FADS6: variants seen among roughly 807,000 people sequenced by gnomAD.
The protein encoded by FADS6 is fatty acid desaturase 6.
In FADS6, 28 loss-of-function variants were observed where a neutral mutation model predicts 31.7. The ratio of observed to expected loss-of-function variants is 0.88; its 90% CI spans 0.66 to 1.21. The LOEUF (loss-of-function observed/expected upper bound fraction) is 1.21, where lower values mean the gene tolerates loss of function less well. FADS6 is among the 50% of genes most tolerant of loss of function. The pLI, the probability that FADS6 is intolerant of heterozygous loss-of-function variation, is 0.00. For synonymous variants in FADS6, 191 were observed against 213.1 expected (o/e 0.90, Z 0.90); for missense variants, 494 against 504.2 (o/e 0.98, Z 0.19).
At chr17:74,887,929 A>G (rs917086994) in intron 2 of FADS6, among the ~76,000 whole-genome samples, 2 of 151,374 alleles carry the variant, frequency 1.3e-5, no homozygotes, top group African/African-American at 4.9e-5. Flanking sequence ...CTCGTGATCC[A>G]CCCTCCTCGG....
At chr17:74,876,486 C>G (rs1432844161), downstream of FADS6, among the ~76,000 whole-genome samples, 1 of 152,078 alleles carries the variant, frequency 6.6e-6, no homozygotes, top group Non-Finnish European at 1.5e-5. Context: ...CCCAACAACA[C>G]AGAATTGGCC....
In FADS6 at chr17:74,893,532, TA is replaced by T. The variant is rs2038718759; in HGVS notation, c.63del (p.Thr22ArgfsTer35). 8 of 1,429,890 alleles carry T rather than the reference TA, an allele frequency of 5.6e-6. No individual in the cohort carries two copies. The African/African-American group carries it at 1.5e-4, about 27-fold the overall frequency. 88.6% of individuals were successfully genotyped at this position (1,429,890 alleles called of 1,614,324 possible). A position where few individuals can be genotyped will look rare whatever the true frequency, so the allele number is the denominator to read the frequency against. ...EPMEPTEPME[P>X]TEPMEPTEPM... Reference sequence around the variant, plus strand: ...GGCTCCGTAGGTTCCATGGGCTCCGTAGGTTCCATGGGCTCCGTAGGTTCCA... The same window carrying T: ...GGCTCCGTAGGTTCCATGGGCTCCGTGGTTCCATGGGCTCCGTAGGTTCCA... On this transcript the variant is annotated frameshift_variant, in exon 1 of 6. Coordinates refer to ENST00000612771, the MANE Select transcript of FADS6 (RefSeq NM_178128.6). LOFTEE classifies it high-confidence loss of function.
In FADS6 at chr17:74,893,523, T is replaced by G; in HGVS notation, c.73A>C (p.Met25Leu). The stretch of plus-strand genomic sequence containing the variant: ...GGTTCCATGGGCTCCGTAGGTTCCA[T>G]GGGCTCCGTAGGTTCCATGGGCTCC... ...PTEPMEPTEP[M>L]EPTEPMEPAR... The change falls in exon 1 of 6, where the codon ATG (methionine) becomes CTG (leucine). Residue 25 changes from methionine to leucine, a missense_variant. Around this residue, in one of 2 missense-constraint regions of FADS6, gnomAD observed 40 missense variants for 65.7 expected, o/e 0.61. Transcript: ENST00000612771. 4 of 1,555,310 alleles carry G rather than the reference T, an allele frequency of 2.6e-6. 1 individual carries two copies. The Middle Eastern group carries it at 6.9e-4, about 270-fold the overall frequency.
intron 4 of FADS6, 57 bp downstream of exon 4, chr17:74,881,011 G>A: frequency 6.6e-7 from 1 of 1,524,034 alleles, no homozygotes; most frequent in East Asian, 2.3e-5. Flanking sequence ...CTGTGATCAG[G>A]GCCCCTGGAG....
chr17:74,879,622 C>A, intron 4 of FADS6, 39 bp from the exon 5 acceptor site: 2 of 1,581,000 alleles, frequency 1.3e-6, no homozygotes, highest in African/African-American at 1.3e-5. Flanking sequence ...CAGCCTGGAC[C>A]TCCCCACCCC....
downstream of FADS6, among the ~76,000 whole-genome samples, chr17:74,875,192 C>T (rs1346389024): frequency 6.6e-6 from 1 of 152,212 alleles, no homozygotes; most frequent in Non-Finnish European, 1.5e-5. Flanking sequence ...GAAATTTAAT[C>T]TCTCCAGGAC....
At chr17:74,888,065 G>T (rs910624335) in intron 2 of FADS6, among the ~76,000 whole-genome samples, 6 of 151,810 alleles carry the variant, frequency 4.0e-5, no homozygotes, top group African/African-American at 1.2e-4. Context: ...GTGGAACGGG[G>T]TCTTATTCAC....
In FADS6 at chr17:74,878,117, C is replaced by A; in HGVS notation, c.*214G>T. 1 of 1,408,970 alleles carries A rather than the reference C, an allele frequency of 7.1e-7. No individual in the cohort carries two copies. The highest frequency in any genetic ancestry group is 2.6e-5 in the East Asian group (1 of 37,970). 87.3% of individuals were successfully genotyped at this position (1,408,970 alleles called of 1,614,324 possible). On this transcript the variant is annotated 3_prime_UTR_variant, in exon 6 of 6. Coordinates refer to ENST00000612771, the MANE Select transcript of FADS6 (RefSeq NM_178128.6). ...GACCAGAATGCACAGCCACCATTAC[C>A]GCTTCACCCAGACACCCCTCAAAAC...
rs1282431695 is a variant in FADS6, at chr17:74,888,157, C to CGCGG, written c.411+4365_411+4366insCCGC. Among the ~76,000 whole-genome samples the CGCGG allele has an allele frequency of 1.4e-3, 148 of 108,896 alleles. 1 individual carries two copies. The highest frequency in any genetic ancestry group is 2.8e-3 in the South Asian group (9 of 3,222). The allele number at this position is 108,896 out of a possible 152,430, so 71.4% of individuals were successfully genotyped here. A position where few individuals can be genotyped will look rare whatever the true frequency, so the allele number is the denominator to read the frequency against. ...ACACACACACACACACACACACACG[C>CGCGG]GCGCGCGCGCGCGCGCAGAGTACCA... On this transcript the variant is annotated intron_variant, in intron 2 of 5. Transcript: ENST00000612771.
Position 74,893,513 on chromosome 17 carries a change from G to GTAGGTTCCATGGGCTCCA in FADS6, c.82_83insTGGAGCCCATGGAACCTA (p.Pro27_Thr28insMetGluProMetGluPro), listed in dbSNP as rs2038718054. On this transcript the variant is annotated inframe_insertion, in exon 1 of 6. Coordinates refer to ENST00000612771, the MANE Select transcript of FADS6 (RefSeq NM_178128.6). ...GCTCCGCGCCGGTTCCATGGGCTCC[G>GTAGGTTCCATGGGCTCCA]TAGGTTCCATGGGCTCCGTAGGTTC... is the stretch of plus-strand genomic sequence containing the variant. 37 of 1,561,760 alleles carry GTAGGTTCCATGGGCTCCA rather than the reference G, an allele frequency of 2.4e-5. No individual in the cohort carries two copies. The highest frequency in any genetic ancestry group is 3.2e-5 in the Non-Finnish European group (37 of 1,155,994).
intron 2 of FADS6, among the ~76,000 whole-genome samples, chr17:74,886,021 C>T (rs1303829601): frequency 1.3e-5 from 2 of 151,996 alleles, no homozygotes; most frequent in Non-Finnish European, 2.9e-5. Context: ...GGGCGGATCA[C>T]GAGATCAGGA....
At chr17:74,892,883 C>G (rs951700439) in intron 1 of FADS6, among the ~76,000 whole-genome samples, 194 bp from the exon 2 acceptor site, 5 of 152,094 alleles carry the variant, frequency 3.3e-5, no homozygotes, top group African/African-American at 1.2e-4. Context: ...CTGACTCTCC[C>G]GTGCCTGGTC....
Position 74,878,341 on chromosome 17 carries a change from A to G in FADS6, c.1097T>C (p.Val366Ala), listed in dbSNP as rs2038528715. 2.5e-6 allele frequency: 4 copies of G among 1,613,470 alleles called. No homozygotes were observed. The African/African-American group carries it at 4.0e-5, about 16-fold the overall frequency. ...ACCGGCCCGGCCTCATTACAGCCCC[A>G]CAAGCTCAGTGATGGGTGGGGCCTG... ...MVQAPPITEL[V>A]GL The change falls in exon 6 of 6, where the codon GTG becomes GCG. Residue 366 changes from valine (V) to alanine (A), a missense_variant. Physicochemically the swap from Val to Ala is moderately conservative, Grantham distance 64 (BLOSUM62 0). Around this residue, in one of 2 missense-constraint regions of FADS6, gnomAD observed 454 missense variants for 438.5 expected, o/e 1.04. Transcript: ENST00000612771.
At chr17:74,880,537 T>C (rs1013568525) in intron 4 of FADS6, among the ~76,000 whole-genome samples, 3 of 151,970 alleles carry the variant, frequency 2.0e-5, no homozygotes, top group African/African-American at 7.2e-5. Flanking sequence ...GTGTTTTTAA[T>C]AGAGACAGGG....
chr17:74,891,848 C>T (rs1333881763), intron 2 of FADS6, among the ~76,000 whole-genome samples: 1 of 152,126 alleles, frequency 6.6e-6, no homozygotes, highest in Non-Finnish European at 1.5e-5. Context: ...AAGGTGTGGC[C>T]ATTCATTTAT....
intron 5 of FADS6, chr17:74,879,025 C>T (rs901789273): frequency 5.0e-6 from 1 of 201,666 alleles, no homozygotes; most frequent in Non-Finnish European, 9.7e-6. Flanking sequence ...AGTTTCCTCC[C>T]TCCCCTCACC....
chr17:74,890,093 C>T (rs2038672641), intron 2 of FADS6, among the ~76,000 whole-genome samples: 1 of 152,072 alleles, frequency 6.6e-6, no homozygotes, highest in Admixed American at 6.6e-5. Flanking sequence ...GAAAGTGACA[C>T]TTAGATGTTG....
At chr17:74,888,143 CACACA>C (rs2038645039) in intron 2 of FADS6, among the ~76,000 whole-genome samples, 1 of 113,366 alleles carries the variant, frequency 8.8e-6, no homozygotes, top group Non-Finnish European at 1.7e-5. Context: ...CACACACACA[CACACA>C]CACACACGCG....
At position 74,878,489 on chromosome 17, in the gene FADS6, T is replaced by C; in HGVS notation, c.961-12A>G. ...ACCACGGGCTTCACCTGGTGGAAGA[T>C]GGGCAGGAGAGGGCCTATGAGCAGG... is the stretch of plus-strand genomic sequence containing the variant. On this transcript the variant is annotated splice_polypyrimidine_tract_variant and intron_variant, in intron 5 of 5. Transcript: ENST00000612771. 2 of 1,613,440 alleles carry C rather than the reference T, an allele frequency of 1.2e-6. No individual in the cohort carries two copies. Among genetic ancestry groups the C allele is most frequent in the Non-Finnish European group, 1.7e-6 (2 of 1,179,524 alleles).
Sources: allele counts gnomAD v4.1 joint callset (sites outside exome capture counted in the v4.1 genomes callset), GRCh38; gene constraint gnomAD v4.1.1; regional missense constraint gnomAD v4.1.1; transcripts MANE v1.5; gene names NCBI Gene and HGNC (gene_info 2026-07-23, HGNC 2026-07-21).